Variants in GET1 observed in about 807,000 individuals in gnomAD.
GET1 encodes the protein guided entry of tail-anchored proteins factor 1, also known as congenital heart disease 5 protein.
In GET1, 20 loss-of-function variants were observed where a neutral mutation model predicts 22.6. The ratio of observed to expected loss-of-function variants is 0.89; its 90% CI spans 0.62 to 1.29. The LOEUF (loss-of-function observed/expected upper bound fraction) is 1.29, where lower values mean the gene tolerates loss of function less well. GET1 is among the 50% of genes most tolerant of loss of function. GET1 has a pLI of 0.00. For missense variants in GET1, 209 were observed against 219.9 expected, an observed-to-expected ratio of 0.95 and a Z score of 0.31; for synonymous variants, 92 against 83.8, an observed-to-expected ratio of 1.10 and a Z score of -0.53.
intron 2 of GET1, chr21:39,391,349 A>C (rs1316746220): frequency 3.7e-6 from 1 of 266,970 alleles, no homozygotes; most frequent in Non-Finnish European, 7.2e-6. Context: ...GTGCACAGTC[A>C]GAGAGCTGTC....
At chr21:39,382,560 G>A (rs2037620825) in intron 1 of GET1, among the ~76,000 whole-genome samples, 1 of 152,120 alleles carries the variant, frequency 6.6e-6, no homozygotes, top group Non-Finnish European at 1.5e-5. Context: ...ATATCCTTAA[G>A]GTTCATCCAT....
intron 1 of GET1, among the ~76,000 whole-genome samples, chr21:39,421,091 T>A (rs2042222261): frequency 6.6e-6 from 1 of 151,742 alleles, no homozygotes; most frequent in African/African-American, 2.4e-5. Context: ...AAAATTTGAT[T>A]TAACAATTCG....
chr21:39,408,794 A>G (rs1009637858), downstream of GET1: 10 of 152,190 alleles, frequency 6.6e-5, no homozygotes, highest in African/African-American at 1.9e-4. Context: ...GGGTTTTTCT[A>G]TCTCCCAGGA....
chr21:39,394,598 G>A (rs982112188), intron 4 of GET1, among the ~76,000 whole-genome samples: 24 of 152,196 alleles, frequency 1.6e-4, no homozygotes, highest in African/African-American at 5.5e-4. Flanking sequence ...TCAAGGTGCC[G>A]GCAGATTTGG....
rs376768499 is a variant in GET1 at position 39,405,729 on chromosome 21, T to G, written c.350-185T>G. On this transcript the variant is annotated intron_variant, in intron 4 of 4. Coordinates refer to the GET1 transcript ENST00000415847. ...ATATAAAATAGATTTTTTACTAGAT[T>G]AGCAATCAAACAAAAATTTAATTAT... The G allele has an allele frequency of 3.4e-5, 17 of 506,528 alleles. No homozygotes were observed. The South Asian group carries it at 6.7e-4, about 20-fold the overall frequency. 31.4% of individuals were successfully genotyped at this position (506,528 alleles called of 1,614,324 possible). A position where few individuals can be genotyped will look rare whatever the true frequency, so the allele number is the denominator to read the frequency against.
intron 1 of GET1, chr21:39,380,776 C>T: frequency 9.0e-7 from 1 of 1,114,654 alleles, no homozygotes; most frequent in Non-Finnish European, 1.1e-6. Context: ...TAGTGCCCCG[C>T]TGTCAGCCTC....
intron 1 of GET1, among the ~76,000 whole-genome samples, chr21:39,383,787 C>T (rs567430090): frequency 1.7e-3 from 266 of 152,012 alleles, no homozygotes; most frequent in African/African-American, 6.1e-3. Flanking sequence ...GTCACCCAGG[C>T]TGGAGTGCAG....
intron 1 of GET1, among the ~76,000 whole-genome samples, chr21:39,425,526 T>C (rs776288591): frequency 2.2e-4 from 33 of 152,112 alleles, no homozygotes; most frequent in Non-Finnish European, 4.1e-4. Flanking sequence ...CTGAGCACAG[T>C]AAGTGGAAAG....
rs56653651 is a variant in GET1, at chr21:39,419,354, G to A, written c.*23+8417G>A. Among the ~76,000 whole-genome samples the A allele has an allele frequency of 4.2e-3, 636 of 151,886 alleles. 6 individuals are homozygous for A. Among genetic ancestry groups the A allele is most frequent in the African/African-American group, 0.015 (612 of 41,414 alleles). On this transcript the variant is annotated intron_variant, in intron 1 of 1. Coordinates refer to the GET1 transcript ENST00000478273. Reference sequence around the variant, plus strand: ...AGCCTGGGCAACACAGCGAGACCCCGTCTCTACAAAAATTTTAAAAATTAG... The same window carrying A: ...AGCCTGGGCAACACAGCGAGACCCCATCTCTACAAAAATTTTAAAAATTAG...
At chr21:39,414,740 C>CTGTGTGTGTGTGTG (rs796818060) in intron 1 of GET1, among the ~76,000 whole-genome samples, 46 of 104,102 alleles carry the variant, frequency 4.4e-4, no homozygotes, top group African/African-American at 7.2e-4. Context: ...CTCTCTCTCT[C>CTGTGTGTGTGTGTG]TCTGTGTGTG....
intron 2 of GET1, 67 bp downstream of exon 2, chr21:39,390,930 A>G: frequency 1.3e-6 from 2 of 1,548,040 alleles, no homozygotes; most frequent in Non-Finnish European, 1.8e-6. Flanking sequence ...GTATGTGAAG[A>G]TTAGTAGAAT....
At chr21:39,411,965 G>A (rs541133417) in intron 1 of GET1, among the ~76,000 whole-genome samples, 38 of 152,188 alleles carry the variant, frequency 2.5e-4, no homozygotes, top group Admixed American at 1.8e-3. Context: ...TCCTGACATC[G>A]AAAAGTACTA....
intron 2 of GET1, 178 bp from the exon 3 acceptor site, chr21:39,391,591 G>T: frequency 1.7e-6 from 1 of 595,980 alleles, no homozygotes; most frequent in Non-Finnish European, 2.9e-6. Flanking sequence ...TTAAATAATG[G>T]CATAATGAGA....
chr21:39,411,571 G>T, downstream of GET1: 1 of 462,794 alleles, frequency 2.2e-6, no homozygotes, highest in East Asian at 3.4e-5. Context: ...CACCATCTCA[G>T]TCTCGTTATT....
chr21:39,381,054 T>G, intron 1 of GET1: 1 of 697,934 alleles, frequency 1.4e-6, no homozygotes, highest in Non-Finnish European at 1.8e-6. Flanking sequence ...GTCTCACGGC[T>G]GCTGGGAGAG....
chr21:39,400,282 T>C (rs556195993), downstream of GET1, among the ~76,000 whole-genome samples: 2 of 152,372 alleles, frequency 1.3e-5, no homozygotes, highest in African/African-American at 4.8e-5. Context: ...ATCTGAGCAT[T>C]TAAAATACTA....
At chr21:39,396,225 G>C (rs977763323) in intron 4 of GET1, among the ~76,000 whole-genome samples, 2 of 152,100 alleles carry the variant, frequency 1.3e-5, no homozygotes. Context: ...GTGAAACCGT[G>C]TCTGTACTAA....
At chr21:39,384,480 G>A (rs550596334) in intron 1 of GET1, among the ~76,000 whole-genome samples, 51 of 151,202 alleles carry the variant, frequency 3.4e-4, no homozygotes, top group Non-Finnish European at 6.2e-4. Context: ...GGCTGGTCTC[G>A]AACTCCTGAC....
intron 1 of GET1, among the ~76,000 whole-genome samples, chr21:39,385,839 C>T (rs2037853351): frequency 6.6e-6 from 1 of 151,232 alleles, no homozygotes; most frequent in African/African-American, 2.4e-5. Context: ...TCAGAGTCCA[C>T]GCATACCGCA....
Sources: allele counts gnomAD v4.1 joint callset (sites outside exome capture counted in the v4.1 genomes callset), GRCh38; gene constraint gnomAD v4.1.1; transcripts MANE v1.5; gene names NCBI Gene and HGNC (gene_info 2026-07-23, HGNC 2026-07-21).